NRF1: variants seen among roughly 807,000 people sequenced by gnomAD.
NRF1 encodes the protein nuclear respiratory factor 1.
In NRF1, 5 loss-of-function variants were observed where a neutral mutation model predicts 58.5. The ratio of observed to expected loss-of-function variants is 0.09; its 90% CI spans 0.04 to 0.18. The LOEUF (loss-of-function observed/expected upper bound fraction) is 0.18, where lower values mean the gene tolerates loss of function less well. NRF1 is among the 10% of genes least tolerant of loss of function. NRF1 has a pLI of 1.00. For synonymous variants in NRF1, 224 were observed against 246.7 expected (o/e 0.91, Z 0.86); for missense variants, 288 against 657.7 (o/e 0.44, Z 6.15).
At chr7:129,626,807 T>C (rs1298488431) in intron 1 of NRF1, among the ~76,000 whole-genome samples, 1 of 152,254 alleles carries the variant, frequency 6.6e-6, no homozygotes. Flanking sequence ...CAATGGCTGA[T>C]CACCTTCAGG....
At chr7:129,629,182 T>G (rs1800991899) in intron 1 of NRF1, among the ~76,000 whole-genome samples, 1 of 152,334 alleles carries the variant, frequency 6.6e-6, no homozygotes, top group South Asian at 2.1e-4. Context: ...AAGAACAATA[T>G]AGTTTGTCTG....
chr7:129,631,924 G>A (rs1016286402), intron 1 of NRF1, among the ~76,000 whole-genome samples: 4 of 152,116 alleles, frequency 2.6e-5, no homozygotes, highest in African/African-American at 9.7e-5. Flanking sequence ...ATTGCTGTTT[G>A]CTTATAAATA....
At chr7:129,634,237 A>G (rs1450563546) in intron 1 of NRF1, among the ~76,000 whole-genome samples, 3 of 152,092 alleles carry the variant, frequency 2.0e-5, no homozygotes, top group Non-Finnish European at 4.4e-5. Flanking sequence ...ACAGAAGTCC[A>G]TAGTTTACAT....
At chr7:129,631,502 A>G (rs960870399) in intron 1 of NRF1, among the ~76,000 whole-genome samples, 1 of 152,110 alleles carries the variant, frequency 6.6e-6, no homozygotes, top group South Asian at 2.1e-4. Flanking sequence ...TCCTAGCTCA[A>G]TCAGTTCTCC....
intron 9 of NRF1, among the ~76,000 whole-genome samples, chr7:129,720,524 G>T (rs1289789012): frequency 6.6e-6 from 1 of 152,136 alleles, no homozygotes; most frequent in African/African-American, 2.4e-5. Flanking sequence ...CTTGCAGCTT[G>T]CTCTGTTTTG....
chr7:129,623,362 G>A (rs754918016), intron 1 of NRF1, among the ~76,000 whole-genome samples: 36 of 125,222 alleles, frequency 2.9e-4, no homozygotes, highest in Non-Finnish European at 4.8e-4. Flanking sequence ...GTATAATACA[G>A]TAGTGTTAAA....
intron 8 of NRF1, among the ~76,000 whole-genome samples, chr7:129,716,969 A>G (rs750986793): frequency 4.6e-4 from 70 of 152,036 alleles, no homozygotes; most frequent in Non-Finnish European, 9.7e-4. Context: ...CAGAGAATAT[A>G]TTCAGTGGCT....
intron 9 of NRF1, among the ~76,000 whole-genome samples, chr7:129,722,641 T>G (rs1435261007): frequency 6.6e-6 from 1 of 152,146 alleles, no homozygotes; most frequent in African/African-American, 2.4e-5. Flanking sequence ...TTGTTGCTGG[T>G]TTTCAGCTTT....
At chr7:129,626,757 T>C (rs1222055651) in intron 1 of NRF1, among the ~76,000 whole-genome samples, 1 of 151,580 alleles carries the variant, frequency 6.6e-6, no homozygotes, top group Admixed American at 6.6e-5. Flanking sequence ...ATCTTTATTC[T>C]CCTTCTGTGA....
chr7:129,654,676 C>G (rs138728695), intron 1 of NRF1, among the ~76,000 whole-genome samples: 12 of 152,232 alleles, frequency 7.9e-5, no homozygotes, highest in South Asian at 2.1e-4. Context: ...TGATGTGTGA[C>G]TGTTCACTTG....
rs10714338 is a variant in NRF1 at position 129,620,388 on chromosome 7, C to CT, written c.-7+8582dup. Among the ~76,000 whole-genome samples the CT allele has an allele frequency of 8.8e-3, 1,168 of 132,554 alleles. 6 individuals carry two copies. The highest frequency in any genetic ancestry group is 0.012 in the Non-Finnish European group (726 of 62,638). 87.0% of individuals were successfully genotyped at this position (132,554 alleles called of 152,430 possible). ...TTTATGGGGTAGGGGAATCAAATCA[C>CT]TTTTTTTTTTTTTTTTTTGAGATAG... is the stretch of plus-strand genomic sequence containing the variant. On this transcript the variant is annotated intron_variant, in intron 1 of 10. Transcript: ENST00000393232.
chr7:129,731,832 A>G (rs927653919), intron 10 of NRF1, among the ~76,000 whole-genome samples: 3 of 152,098 alleles, frequency 2.0e-5, no homozygotes, highest in African/African-American at 7.2e-5. Flanking sequence ...GGCTGGTCTC[A>G]AACTCCTGGG....
intron 9 of NRF1, among the ~76,000 whole-genome samples, chr7:129,719,545 A>ACACACACACAC (rs1562982215): frequency 6.4e-5 from 6 of 93,212 alleles, no homozygotes; most frequent in Non-Finnish European, 1.1e-4. Context: ...CACACACACA[A>ACACACACACAC]CACATCTTCT....
intron 1 of NRF1, among the ~76,000 whole-genome samples, chr7:129,613,475 A>G (rs1309741016): frequency 2.6e-5 from 4 of 152,032 alleles, no homozygotes; most frequent in Non-Finnish European, 5.9e-5. Flanking sequence ...AATGTAGAAT[A>G]TTTATTCTTA....
intron 10 of NRF1, among the ~76,000 whole-genome samples, chr7:129,727,974 C>G (rs1440824611): frequency 6.6e-6 from 1 of 152,048 alleles, no homozygotes; most frequent in Non-Finnish European, 1.5e-5. Context: ...CCTGAATAAG[C>G]AAAAGGGATA....
At chr7:129,752,263 C>T (rs746769252) in intron 10 of NRF1, among the ~76,000 whole-genome samples, 1 of 151,762 alleles carries the variant, frequency 6.6e-6, no homozygotes, top group Non-Finnish European at 1.5e-5. Flanking sequence ...GAAAGCTCAC[C>T]CCAGTGTAAA....
intron 2 of NRF1, among the ~76,000 whole-genome samples, chr7:129,670,720 C>T (rs534390350): frequency 1.3e-5 from 2 of 152,278 alleles, no homozygotes; most frequent in Non-Finnish European, 2.9e-5. Context: ...CCTCCATCTA[C>T]CCTTCAAAAG....
intron 7 of NRF1, 41 bp downstream of exon 7, chr7:129,710,612 T>G (rs1405114513): frequency 2.0e-6 from 2 of 1,012,980 alleles, no homozygotes; most frequent in African/African-American, 1.6e-5. Flanking sequence ...GCTTCTGAGA[T>G]GGATCAGTGG....
chr7:129,742,743 C>T (rs778417080), intron 10 of NRF1, among the ~76,000 whole-genome samples: 1 of 152,128 alleles, frequency 6.6e-6, no homozygotes, highest in Admixed American at 6.5e-5. Flanking sequence ...GTCTGTCTGT[C>T]GGAGGCACGT....
Sources: allele counts gnomAD v4.1 joint callset (sites outside exome capture counted in the v4.1 genomes callset), GRCh38; gene constraint gnomAD v4.1.1; transcripts MANE v1.5; gene names NCBI Gene and HGNC (gene_info 2026-07-23, HGNC 2026-07-21).